The following ASIC2 variants were observed in gnomAD, a reference collection of about 807,000 sequenced individuals.
The protein encoded by ASIC2 is acid sensing ion channel subunit 2.
A neutral mutation model predicts 57.3 loss-of-function variants in ASIC2; 25 were observed. The observed-to-expected ratio is 0.44, with a 90% CI of 0.32 to 0.61. ASIC2 has a LOEUF of 0.61. ASIC2 is among the 20% of genes least tolerant of loss of function. ASIC2 has a pLI of 0.06. For missense variants in ASIC2, 641 were observed against 738.1 expected, an observed-to-expected ratio of 0.87 and a Z score of 1.52; for synonymous variants, 319 against 307.5, an observed-to-expected ratio of 1.04 and a Z score of -0.39.
At chr17:33,446,260 A>G (rs7221119) in intron 1 of ASIC2, among the ~76,000 whole-genome samples, 10,738 of 152,230 alleles carry the variant, frequency 0.071, 473 homozygotes, top group Middle Eastern at 0.1. Context: ...TTTTGATCTT[A>G]TGAATTATTT....
At chr17:33,068,213 T>C (rs1446062048) in intron 3 of ASIC2, among the ~76,000 whole-genome samples, 1 of 152,134 alleles carries the variant, frequency 6.6e-6, no homozygotes, top group African/African-American at 2.4e-5. Context: ...AGTTTTAGAA[T>C]TGAAAGTCTC....
intron 1 of ASIC2, among the ~76,000 whole-genome samples, chr17:33,267,154 T>C (rs985667201): frequency 6.6e-6 from 1 of 152,124 alleles, no homozygotes; most frequent in African/African-American, 2.4e-5. Flanking sequence ...GGCCTTTGTT[T>C]CATTAAACAA....
intron 1 of ASIC2, among the ~76,000 whole-genome samples, chr17:33,821,795 A>G (rs1488467533): frequency 6.6e-6 from 1 of 152,188 alleles, no homozygotes; most frequent in East Asian, 1.9e-4. Flanking sequence ...GATTAAGTTC[A>G]CACATATTCT....
intron 1 of ASIC2, among the ~76,000 whole-genome samples, chr17:33,755,858 C>T (rs1428082594): frequency 2.6e-5 from 4 of 152,214 alleles, no homozygotes; most frequent in African/African-American, 9.7e-5. Context: ...AGCAGCTGAG[C>T]CTTCACAGGC....
At chr17:33,789,560 GC>G (rs1911706232) in intron 1 of ASIC2, among the ~76,000 whole-genome samples, 1 of 151,650 alleles carries the variant, frequency 6.6e-6, no homozygotes, top group East Asian at 1.9e-4. Context: ...CCCCTCTGAA[GC>G]CCTTGGAAAA....
intron 1 of ASIC2, among the ~76,000 whole-genome samples, chr17:33,888,268 G>A (rs1291658241): frequency 6.6e-6 from 1 of 152,140 alleles, no homozygotes; most frequent in Non-Finnish European, 1.5e-5. Context: ...TGATGACTGA[G>A]ATGAATTGTA....
chr17:33,228,164 G>A (rs916167389), intron 1 of ASIC2, among the ~76,000 whole-genome samples: 1 of 152,204 alleles, frequency 6.6e-6, no homozygotes, highest in Non-Finnish European at 1.5e-5. Flanking sequence ...TTGTTTGGGT[G>A]TAATTTCAAA....
chr17:33,144,332 G>A (rs1904461860), intron 1 of ASIC2, among the ~76,000 whole-genome samples: 2 of 152,126 alleles, frequency 1.3e-5, no homozygotes, highest in African/African-American at 2.4e-5. Flanking sequence ...AAGAACAAGA[G>A]TGGGGGAGAA....
At chr17:33,765,298 C>A (rs144874452) in intron 1 of ASIC2, among the ~76,000 whole-genome samples, 2 of 151,966 alleles carry the variant, frequency 1.3e-5, no homozygotes, top group African/African-American at 4.8e-5. Flanking sequence ...TTAGTAGAGA[C>A]GGGGTTTCAC....
intron 1 of ASIC2, among the ~76,000 whole-genome samples, chr17:33,531,397 A>G (rs1220084709): frequency 1.3e-5 from 2 of 152,150 alleles, no homozygotes; most frequent in Admixed American, 1.3e-4. Flanking sequence ...CCAGGCAGTA[A>G]AAGTGCTGGA....
chr17:33,155,933 T>C lies in ASIC2; in HGVS notation c.709-43866A>G, dbSNP rs114248465. ...TTTTACTTAAGGCCCCAATTTAATG[T>C]GGTGGAAGGATTACAGGCTTTGAGG... On this transcript the variant is annotated intron_variant, in intron 1 of 9. Transcript: ENST00000225823. 3.7e-3 allele frequency among the ~76,000 whole-genome samples: 563 copies of C among 152,278 alleles called. 3 individuals carry two copies. Among genetic ancestry groups the C allele is most frequent in the African/African-American group, 0.012 (515 of 41,570 alleles).
intron 1 of ASIC2, among the ~76,000 whole-genome samples, chr17:33,338,430 A>G (rs1200148721): frequency 5.9e-5 from 9 of 152,170 alleles, no homozygotes; most frequent in Non-Finnish European, 1.3e-4. Flanking sequence ...TGGGAGAATC[A>G]GGGGTGGCTT....
At chr17:33,097,302 G>T (rs570155136) in intron 2 of ASIC2, among the ~76,000 whole-genome samples, 3 of 152,282 alleles carry the variant, frequency 2.0e-5, no homozygotes, top group Non-Finnish European at 4.4e-5. Context: ...ACTTGATCCT[G>T]CTGGCTCCTC....
chr17:33,217,963 G>A (rs139147250), intron 1 of ASIC2, among the ~76,000 whole-genome samples: 245 of 152,294 alleles, frequency 1.6e-3, no homozygotes, highest in African/African-American at 5.7e-3. Flanking sequence ...GCTCTGTCTG[G>A]CATTCCACAC....
At chr17:33,532,909 AG>A (rs1915097805) in intron 1 of ASIC2, among the ~76,000 whole-genome samples, 2 of 152,232 alleles carry the variant, frequency 1.3e-5, no homozygotes, top group Admixed American at 1.3e-4. Context: ...TGTGCATTGT[AG>A]GATGTTTAAC....
chr17:33,429,834 G>T (rs1184870584), intron 1 of ASIC2, among the ~76,000 whole-genome samples: 1 of 152,188 alleles, frequency 6.6e-6, no homozygotes, highest in Non-Finnish European at 1.5e-5. Flanking sequence ...GCAACCCCTT[G>T]TATGTCTAAA....
intron 1 of ASIC2, among the ~76,000 whole-genome samples, chr17:33,817,475 T>C (rs185634850): frequency 2.0e-3 from 303 of 152,292 alleles, no homozygotes; most frequent in Middle Eastern, 3.4e-3. Context: ...TGCTTAGTCT[T>C]GGATTGCTTC....
intron 1 of ASIC2, among the ~76,000 whole-genome samples, chr17:34,035,561 A>C (rs970894829): frequency 2.0e-5 from 3 of 152,018 alleles, no homozygotes; most frequent in African/African-American, 7.3e-5. Flanking sequence ...GAGCTTCTGC[A>C]CATCAAAAGA....
rs1473488127 is a variant in ASIC2, at chr17:33,860,397, A to T, written c.555+295581T>A. ...AGTGACCATCTATGCAGTCAGATTCAAGGGACTACTGTCCTTTCCTCCTGG... is the reference window on the plus strand; with the variant it reads ...AGTGACCATCTATGCAGTCAGATTCTAGGGACTACTGTCCTTTCCTCCTGG... On this transcript the variant is annotated intron_variant, in intron 1 of 9. Transcript: ENST00000359872. Among the ~76,000 whole-genome samples, 2 of 152,186 alleles carry T rather than the reference A, an allele frequency of 1.3e-5. 1 individual carries two copies. The highest frequency in any genetic ancestry group is 1.3e-4 in the Admixed American group (2 of 15,284).
Sources: gnomAD v4.1 joint callset for allele counts (sites outside exome capture counted in the v4.1 genomes callset) on GRCh38, gnomAD v4.1.1 for gene constraint, MANE v1.5 for transcripts, NCBI Gene and HGNC (gene_info 2026-07-23, HGNC 2026-07-21) for gene names.